Variants in CDH20 observed in about 807,000 individuals in gnomAD.
The protein encoded by CDH20 is cadherin 20, also known as cadherin-20.
CDH20 carries 29 observed loss-of-function variants against 74.2 expected under a neutral mutation model. That is an observed-to-expected ratio of 0.39 (90% confidence interval 0.29 to 0.53). The LOEUF is 0.53. Ranked by LOEUF, CDH20 falls within the 20% of genes least tolerant of loss-of-function variation. The pLI is 0.69. For missense variants in CDH20, 988 were observed against 1,048.3 expected (o/e 0.94, Z 0.79); for synonymous variants, 469 against 405.4 (o/e 1.16, Z -1.88).
intron 1 of CDH20, among the ~76,000 whole-genome samples, chr18:61,419,038 G>A (rs1410722474): frequency 1.3e-5 from 2 of 152,066 alleles, no homozygotes; most frequent in Non-Finnish European, 2.9e-5. Flanking sequence ...TAGCTATGAT[G>A]TATATAACAT....
intron 1 of CDH20, among the ~76,000 whole-genome samples, chr18:61,470,108 C>T (rs1184487371): frequency 6.6e-6 from 1 of 152,148 alleles, no homozygotes; most frequent in African/African-American, 2.4e-5. Flanking sequence ...TCACCTCTGC[C>T]GGCGGTCTGT....
At chr18:61,362,907 A>G (rs571964080) in intron 1 of CDH20, among the ~76,000 whole-genome samples, 17 of 152,150 alleles carry the variant, frequency 1.1e-4, no homozygotes, top group Non-Finnish European at 2.1e-4. Context: ...CTTTTGGCCA[A>G]TGATGAAATG....
chr18:61,356,508 C>A (rs957188530), intron 1 of CDH20, among the ~76,000 whole-genome samples: 4 of 152,040 alleles, frequency 2.6e-5, no homozygotes, highest in Admixed American at 2.6e-4. Flanking sequence ...TCCTCTACCG[C>A]CTAGATATAC....
intron 10 of CDH20, chr18:61,549,769 G>C: frequency 5.2e-6 from 3 of 573,210 alleles, no homozygotes; most frequent in Admixed American, 3.1e-5. Flanking sequence ...CTCTTCTTAG[G>C]CCTCAGGGTT....
chr18:61,434,786 T>A (rs191058917), intron 1 of CDH20, among the ~76,000 whole-genome samples: 2 of 152,204 alleles, frequency 1.3e-5, no homozygotes, highest in Non-Finnish European at 2.9e-5. Context: ...AGTATTAATA[T>A]AACACAAATT....
In CDH20 at chr18:61,341,084, G is replaced by A. The variant is rs900624887; in HGVS notation, c.-153+7257G>A. Among the ~76,000 whole-genome samples, 42 of 152,266 alleles carry A rather than the reference G, an allele frequency of 2.8e-4. 1 individual carries two copies. The highest frequency in any genetic ancestry group is 1.3e-3 in the Admixed American group (20 of 15,292). On this transcript the variant is annotated intron_variant, in intron 1 of 11. Coordinates refer to ENST00000262717, the MANE Select transcript of CDH20 (RefSeq NM_031891.4). ...GAGAAGGACTGGGAGAAACTAACTG[G>A]GTGATACAGCCATCTCCGTACCCAC...
rs566656243 is a variant in CDH20, at chr18:61,547,336, GCCA to G, written c.1648+2197_1648+2199del. On this transcript the variant is annotated intron_variant, in intron 10 of 11. Coordinates refer to ENST00000262717, the MANE Select transcript of CDH20 (RefSeq NM_031891.4). ...GAGTAAGATCCTGTCTCTAAAAAAAGCCACCACAACAAAAACTGACTAATATAG... is the reference window on the plus strand; with the variant it reads ...GAGTAAGATCCTGTCTCTAAAAAAAGCCACAACAAAAACTGACTAATATAG... Among the ~76,000 whole-genome samples, 17 of 152,134 alleles carry G rather than the reference GCCA, an allele frequency of 1.1e-4. No homozygotes were observed. The East Asian group carries it at 2.7e-3, about 24-fold the overall frequency.
rs574353286 is a variant in CDH20 at position 61,429,542 on chromosome 18, C to A, written c.-152-60860C>A. 9.3e-4 allele frequency among the ~76,000 whole-genome samples: 142 copies of A among 152,258 alleles called. 1 individual carries two copies. Among genetic ancestry groups the A allele is most frequent in the South Asian group, 7.3e-3 (35 of 4,820 alleles). ...CATGACTTCAGCTCCGAAGAGAAAT[C>A]GTGTTTTTCTACTGTAGCCACAACT... On this transcript the variant is annotated intron_variant, in intron 1 of 11. Coordinates refer to ENST00000262717, the MANE Select transcript of CDH20 (RefSeq NM_031891.4).
chr18:61,348,717 G>A (rs1910212658), intron 1 of CDH20, among the ~76,000 whole-genome samples: 1 of 152,190 alleles, frequency 6.6e-6, no homozygotes, highest in Admixed American at 6.5e-5. Context: ...GATTGCAAAG[G>A]TAGAAAGTGG....
intron 6 of CDH20, among the ~76,000 whole-genome samples, chr18:61,525,964 AT>A (rs1006282537): frequency 0.024 from 2,003 of 84,376 alleles, 30 homozygotes; most frequent in African/African-American, 0.084. Flanking sequence ...CACCCAGCTA[AT>A]TTTTTTTTTT....
chr18:61,489,235 G>A (rs1052131513), intron 1 of CDH20, among the ~76,000 whole-genome samples: 6 of 152,134 alleles, frequency 3.9e-5, no homozygotes, highest in African/African-American at 7.2e-5. Flanking sequence ...GAGTATTTGA[G>A]AGGAAGCTGA....
intron 1 of CDH20, among the ~76,000 whole-genome samples, chr18:61,412,977 A>C (rs530520140): frequency 1.3e-5 from 2 of 152,314 alleles, no homozygotes; most frequent in African/African-American, 4.8e-5. Context: ...AATAGTCACA[A>C]TTAACTTTTG....
chr18:61,362,388 T>A (rs535783609), intron 1 of CDH20, among the ~76,000 whole-genome samples: 1 of 152,158 alleles, frequency 6.6e-6, no homozygotes, highest in Non-Finnish European at 1.5e-5. Context: ...CCTGGCCCAA[T>A]GTCCTTTCCA....
chr18:61,551,186 A>G (rs532186472), intron 11 of CDH20, among the ~76,000 whole-genome samples: 2 of 152,366 alleles, frequency 1.3e-5, no homozygotes, highest in East Asian at 3.9e-4. Context: ...CAGTGAAATA[A>G]AAACACCTAA....
At chr18:61,381,814 G>C (rs1249028581) in intron 1 of CDH20, among the ~76,000 whole-genome samples, 1 of 152,184 alleles carries the variant, frequency 6.6e-6, no homozygotes, top group Non-Finnish European at 1.5e-5. Flanking sequence ...CATCCCACAA[G>C]TTTAGCACAT....
chr18:61,413,917 C>A (rs1451269715), intron 1 of CDH20, among the ~76,000 whole-genome samples: 1 of 152,080 alleles, frequency 6.6e-6, no homozygotes, highest in Admixed American at 6.5e-5. Flanking sequence ...TAATATAATG[C>A]AGTATGCATT....
chr18:61,403,344 A>T (rs1912218661), intron 1 of CDH20, among the ~76,000 whole-genome samples: 2 of 152,216 alleles, frequency 1.3e-5, no homozygotes, highest in Non-Finnish European at 2.9e-5. Flanking sequence ...TTTACCACTT[A>T]GACAAATTAC....
intron 1 of CDH20, among the ~76,000 whole-genome samples, chr18:61,364,806 C>T (rs778682350): frequency 4.4e-4 from 67 of 152,332 alleles, no homozygotes; most frequent in Non-Finnish European, 5.7e-4. Flanking sequence ...CCAAATAACC[C>T]TTTTTCTTTC....
chr18:61,554,354 G>C lies in CDH20; in HGVS notation c.2065G>C (p.Ala689Pro), dbSNP rs768163433. Residue 689 changes from alanine to proline, a missense_variant, in exon 12 of 12, where the codon GCG becomes CCG. Physicochemically the swap from Ala to Pro is conservative, Grantham distance 27 (BLOSUM62 -1). Around this residue, in one of 2 missense-constraint regions of CDH20, gnomAD observed 375 missense variants for 293.1 expected, o/e 1.28. Coordinates refer to ENST00000262717, the MANE Select transcript of CDH20 (RefSeq NM_031891.4). Reference protein sequence around the residue: ...DIAAMWNPREAQAGAAPKTRQ... With the variant: ...DIAAMWNPREPQAGAAPKTRQ... ...CGCGGCCATGTGGAACCCCCGGGAG[G>C]CGCAGGCGGGGGCCGCCCCCAAGAC... The C allele has an allele frequency of 6.2e-7, 1 of 1,613,120 alleles. No homozygotes were observed. The highest frequency in any genetic ancestry group is 1.3e-5 in the African/African-American group (1 of 74,930).
Sources: gnomAD v4.1 joint callset for allele counts (sites outside exome capture counted in the v4.1 genomes callset) on GRCh38, gnomAD v4.1.1 for gene constraint, gnomAD v4.1.1 regional missense constraint, MANE v1.5 for transcripts, NCBI Gene and HGNC (gene_info 2026-07-23, HGNC 2026-07-21) for gene names.